The following UNC5C variants were observed in gnomAD, a reference collection of about 807,000 sequenced individuals.
UNC5C encodes the protein netrin receptor UNC5C.
A neutral mutation model predicts 99.8 loss-of-function variants in UNC5C; 47 were observed. The observed-to-expected ratio is 0.47, with a 90% CI of 0.37 to 0.60. The LOEUF (loss-of-function observed/expected upper bound fraction) is 0.60. UNC5C is among the 20% of genes least tolerant of loss of function. The probability of loss-of-function intolerance (pLI) is 0.00; values close to 1 mark genes in which losing one functional copy is unlikely to be tolerated. For missense variants in UNC5C, 1,062 were observed against 1,165.9 expected (o/e 0.91, Z 1.30); for synonymous variants, 487 against 452.2 (o/e 1.08, Z -0.98).
At chr4:95,341,108 G>A in intron 1 of UNC5C, among the ~76,000 whole-genome samples, 1 of 152,180 alleles carries the variant, frequency 6.6e-6, no homozygotes, top group Non-Finnish European at 1.5e-5. Flanking sequence ...TTACATCTCT[G>A]CATATCTCCA....
chr4:95,365,014 G>T (rs1353208622), intron 1 of UNC5C, among the ~76,000 whole-genome samples: 1 of 150,986 alleles, frequency 6.6e-6, no homozygotes, highest in Non-Finnish European at 1.5e-5. Flanking sequence ...AAATATTTAG[G>T]TCGGGTGCAG....
Position 95,301,735 on chromosome 4 carries a change from C to G in UNC5C, c.361G>C (p.Glu121Gln). ...TGGCGCGAAATCTCAATGCTCACTT[C>G]CCGGACAATGAGACCTGACAAGAGA... ...VDETSGLIVR[E>Q]VSIEISRQQV... Residue 121 changes from glutamate to glutamine, a missense_variant, in exon 3 of 16, where the codon GAA becomes CAA. This residue lies in a region of UNC5C where 249 missense variants were observed against 295.1 expected (regional missense o/e 0.84). Coordinates refer to ENST00000453304, the MANE Select transcript of UNC5C (RefSeq NM_003728.4). 6.2e-7 allele frequency: 1 copy of G among 1,612,820 alleles called. No homozygotes were observed. Among genetic ancestry groups the G allele is most frequent in the Non-Finnish European group, 8.5e-7 (1 of 1,179,996 alleles).
intron 1 of UNC5C, among the ~76,000 whole-genome samples, chr4:95,415,336 G>T (rs1222517112): frequency 1.3e-5 from 2 of 151,572 alleles, no homozygotes; most frequent in Admixed American, 6.6e-5. Flanking sequence ...CTCAGCAAAA[G>T]ATATCATTAA....
At chr4:95,448,221 T>TGAGAGA (rs1284671236) in intron 1 of UNC5C, among the ~76,000 whole-genome samples, 26 of 111,304 alleles carry the variant, frequency 2.3e-4, no homozygotes, top group African/African-American at 8.3e-4. Flanking sequence ...TGTGTGTGTG[T>TGAGAGA]GTGTGTGAGA....
intron 12 of UNC5C, among the ~76,000 whole-genome samples, chr4:95,188,953 C>G (rs1323385118): frequency 6.6e-6 from 1 of 152,178 alleles, no homozygotes; most frequent in Non-Finnish European, 1.5e-5. Flanking sequence ...CACTTCCAGA[C>G]AGGCTGCTCT....
At chr4:95,499,153 A>G (rs949816266) in intron 1 of UNC5C, among the ~76,000 whole-genome samples, 1 of 152,088 alleles carries the variant, frequency 6.6e-6, no homozygotes, top group African/African-American at 2.4e-5. Context: ...GTAACTTCCA[A>G]CTTGAGAAAA....
intron 1 of UNC5C, among the ~76,000 whole-genome samples, chr4:95,466,838 G>A (rs1005196347): frequency 1.3e-5 from 2 of 152,126 alleles, no homozygotes; most frequent in African/African-American, 2.4e-5. Context: ...TTGATACGAC[G>A]TCATTTAGCC....
intron 7 of UNC5C, among the ~76,000 whole-genome samples, chr4:95,222,518 GTCTT>G (rs1341044908): frequency 6.6e-6 from 1 of 152,148 alleles, no homozygotes; most frequent in Non-Finnish European, 1.5e-5. Flanking sequence ...AGTGCTTAAA[GTCTT>G]TCTTTTATTG....
Position 95,527,059 on chromosome 4 carries a change from G to A in UNC5C, c.124+21675C>T, listed in dbSNP as rs74448228. On this transcript the variant is annotated intron_variant, in intron 1 of 15. Transcript: ENST00000453304. ...AGTGACAATATTTTAAAAATCAAAC[G>A]CAAAACTCTGTATTTAAATGAGTTA... Among the ~76,000 whole-genome samples, 464 of 151,976 alleles carry A rather than the reference G, an allele frequency of 3.1e-3. 10 individuals carry two copies. The highest frequency in any genetic ancestry group is 0.015 in the Admixed American group (229 of 15,260).
At chr4:95,441,898 T>C (rs976457421) in intron 1 of UNC5C, among the ~76,000 whole-genome samples, 2 of 152,258 alleles carry the variant, frequency 1.3e-5, no homozygotes, top group African/African-American at 4.8e-5. Flanking sequence ...CTCATGAAGC[T>C]AAATAGTATA....
intron 1 of UNC5C, among the ~76,000 whole-genome samples, chr4:95,406,830 A>G (rs1176972476): frequency 2.0e-5 from 3 of 152,234 alleles, no homozygotes. Context: ...TATATTTTTC[A>G]AAAGCTAGTT....
intron 1 of UNC5C, among the ~76,000 whole-genome samples, chr4:95,529,655 A>T (rs1362262806): frequency 6.6e-6 from 1 of 152,012 alleles, no homozygotes; most frequent in East Asian, 1.9e-4. Flanking sequence ...TGAGTCCAGG[A>T]GGTCGAAGCT....
At chr4:95,331,907 GC>G (rs1294198307) in intron 2 of UNC5C, among the ~76,000 whole-genome samples, 1 of 151,942 alleles carries the variant, frequency 6.6e-6, no homozygotes, top group Non-Finnish European at 1.5e-5. Flanking sequence ...AAAATCACAG[GC>G]ATTCTTATAC....
At chr4:95,427,667 A>G (rs1041253073) in intron 1 of UNC5C, among the ~76,000 whole-genome samples, 1 of 152,212 alleles carries the variant, frequency 6.6e-6, no homozygotes, top group Admixed American at 6.5e-5. Context: ...ATGCTACTGC[A>G]CACATAATAG....
intron 1 of UNC5C, among the ~76,000 whole-genome samples, chr4:95,373,646 A>T (rs1170125490): frequency 6.6e-6 from 1 of 152,162 alleles, no homozygotes; most frequent in Non-Finnish European, 1.5e-5. Flanking sequence ...CTAGCACAGC[A>T]ACTGGCACAA....
chr4:95,525,350 T>G (rs908083642), intron 1 of UNC5C, among the ~76,000 whole-genome samples: 8 of 152,162 alleles, frequency 5.3e-5, no homozygotes, highest in Admixed American at 2.0e-4. Flanking sequence ...CTTATAACTT[T>G]GCAGAACTAC....
chr4:95,329,478 C>T (rs924600452), intron 2 of UNC5C, among the ~76,000 whole-genome samples: 3 of 151,902 alleles, frequency 2.0e-5, no homozygotes, highest in African/African-American at 7.3e-5. Flanking sequence ...TTCAAATGGG[C>T]CTTCAAAAAG....
At chr4:95,448,298 G>C (rs1747180734) in intron 1 of UNC5C, among the ~76,000 whole-genome samples, 1 of 149,976 alleles carries the variant, frequency 6.7e-6, no homozygotes, top group African/African-American at 2.5e-5. Context: ...TCTGTGGGAA[G>C]AACAATGAAG....
chr4:95,510,272 T>G (rs368105141), intron 1 of UNC5C, among the ~76,000 whole-genome samples: 10 of 152,150 alleles, frequency 6.6e-5, no homozygotes, highest in South Asian at 4.1e-4. Flanking sequence ...CTATAAATAC[T>G]TTACTATTAT....
Sources: gnomAD v4.1 joint callset for allele counts (sites outside exome capture counted in the v4.1 genomes callset) on GRCh38, gnomAD v4.1.1 for gene constraint, gnomAD v4.1.1 regional missense constraint, MANE v1.5 for transcripts, NCBI Gene and HGNC (gene_info 2026-07-23, HGNC 2026-07-21) for gene names.